Variants in FHOD3 observed in about 807,000 individuals in gnomAD.
The protein encoded by FHOD3 is FH1/FH2 domain-containing protein 3.
FHOD3 carries 90 observed loss-of-function variants against 173.0 expected under a neutral mutation model. That is an observed-to-expected ratio of 0.52 (90% CI 0.44 to 0.62). The LOEUF (loss-of-function observed/expected upper bound fraction) is 0.62. Ranked by LOEUF, FHOD3 falls within the 20% of genes least tolerant of loss-of-function variation. The pLI is 0.00. For synonymous variants in FHOD3, 828 were observed against 823.0 expected, an observed-to-expected ratio of 1.01 and a Z score of -0.10; for missense variants, 1,945 against 2,034.7, an observed-to-expected ratio of 0.96 and a Z score of 0.85.
chr18:36,369,440 AACACACACACACAC>A (rs59109469), intron 2 of FHOD3, among the ~76,000 whole-genome samples: 1,144 of 94,202 alleles, frequency 0.012, 18 homozygotes, highest in African/African-American at 0.04. Context: ...ATTTTATTTA[AACACACACACACAC>A]ACACACACAC....
At chr18:36,617,668 T>C (rs2033339332) in intron 9 of FHOD3, among the ~76,000 whole-genome samples, 1 of 151,796 alleles carries the variant, frequency 6.6e-6, no homozygotes, top group Non-Finnish European at 1.5e-5. Flanking sequence ...TGCATCAAAA[T>C]ATTTAGAAGT....
At chr18:36,738,731 A>G (rs980943904) in intron 20 of FHOD3, among the ~76,000 whole-genome samples, 1 of 152,214 alleles carries the variant, frequency 6.6e-6, no homozygotes, top group African/African-American at 2.4e-5. Flanking sequence ...CTTTTTCAAA[A>G]TCAATGGGCC....
intron 2 of FHOD3, among the ~76,000 whole-genome samples, chr18:36,370,281 T>G (rs2047116592): frequency 6.6e-6 from 1 of 152,156 alleles, no homozygotes; most frequent in African/African-American, 2.4e-5. Context: ...AGCTAGAATA[T>G]TGAAGCAGAG....
At chr18:36,558,042 G>A (rs1001630892) in intron 5 of FHOD3, among the ~76,000 whole-genome samples, 9 of 152,102 alleles carry the variant, frequency 5.9e-5, no homozygotes, top group Non-Finnish European at 1.2e-4. Context: ...ATGAATGCTG[G>A]GTACTTTTCT....
chr18:36,425,115 A>C (rs1473607727), intron 3 of FHOD3, among the ~76,000 whole-genome samples: 1 of 152,260 alleles, frequency 6.6e-6, no homozygotes, highest in East Asian at 1.9e-4. Context: ...GCTAAGATGT[A>C]CAGTACATAA....
intron 17 of FHOD3, 60 bp from the exon 18 acceptor site, chr18:36,709,035 C>T (rs1403620541): frequency 2.6e-6 from 4 of 1,564,630 alleles, no homozygotes; most frequent in Non-Finnish European, 1.7e-6. Flanking sequence ...TCATTCTCAC[C>T]TCACTTCACC....
chr18:36,528,399 G>A (rs1473694809), intron 5 of FHOD3, among the ~76,000 whole-genome samples: 1 of 152,168 alleles, frequency 6.6e-6, no homozygotes, highest in Non-Finnish European at 1.5e-5. Context: ...ATAGTTTGCT[G>A]GGAGCAGTGC....
chr18:36,687,344 A>G (rs1483396689), intron 16 of FHOD3, among the ~76,000 whole-genome samples, 166 bp downstream of exon 16: 2 of 152,192 alleles, frequency 1.3e-5, no homozygotes, highest in East Asian at 1.9e-4. Context: ...TTTTCCAATA[A>G]AAGTATGGAG....
intron 14 of FHOD3, among the ~76,000 whole-genome samples, chr18:36,659,232 C>T (rs2036618721): frequency 1.3e-5 from 2 of 152,186 alleles, no homozygotes; most frequent in African/African-American, 4.8e-5. Flanking sequence ...TGCCTAGTCA[C>T]ATGTCACTGT....
At chr18:36,552,203 G>T (rs1568417302) in intron 5 of FHOD3, among the ~76,000 whole-genome samples, 1 of 152,214 alleles carries the variant, frequency 6.6e-6, no homozygotes, top group East Asian at 1.9e-4. Flanking sequence ...TCTTTGAAGA[G>T]GTCCTTCACA....
chr18:36,447,012 C>T (rs2051526477), intron 3 of FHOD3, among the ~76,000 whole-genome samples: 1 of 152,270 alleles, frequency 6.6e-6, no homozygotes, highest in South Asian at 2.1e-4. Flanking sequence ...TGCCTAGGAC[C>T]TGCTGTGATC....
At chr18:36,657,159 T>C (rs1045099266) in intron 13 of FHOD3, among the ~76,000 whole-genome samples, 5 of 152,208 alleles carry the variant, frequency 3.3e-5, no homozygotes, top group Non-Finnish European at 7.3e-5. Flanking sequence ...ATAGTGACTG[T>C]TGGGGTCCCA....
chr18:36,766,811 A>G (rs2043158448), intron 27 of FHOD3, among the ~76,000 whole-genome samples: 1 of 152,258 alleles, frequency 6.6e-6, no homozygotes, highest in Non-Finnish European at 1.5e-5. Flanking sequence ...AGGGAAGATT[A>G]GATGATGCCT....
At chr18:36,571,610 T>G (rs941209485) in intron 5 of FHOD3, among the ~76,000 whole-genome samples, 7 of 152,230 alleles carry the variant, frequency 4.6e-5, no homozygotes, top group African/African-American at 1.7e-4. Context: ...TACTACCTGA[T>G]TTTAACATTT....
intron 5 of FHOD3, among the ~76,000 whole-genome samples, chr18:36,528,464 C>T (rs1297987709): frequency 6.6e-6 from 1 of 152,162 alleles, no homozygotes; most frequent in African/African-American, 2.4e-5. Flanking sequence ...TATGGCTCAC[C>T]TTCTTTTTCC....
intron 5 of FHOD3, among the ~76,000 whole-genome samples, chr18:36,540,592 C>G (rs1232215550): frequency 6.6e-6 from 1 of 152,186 alleles, no homozygotes. Flanking sequence ...CCAGGTTCTA[C>G]TTAACTCAAT....
chr18:36,706,576 G>A (rs576908447), intron 17 of FHOD3, among the ~76,000 whole-genome samples: 6 of 152,322 alleles, frequency 3.9e-5, no homozygotes, highest in African/African-American at 9.6e-5. Flanking sequence ...GGCCAGAGCC[G>A]CTGCTTGGGT....
chr18:36,707,641 C>T (rs903546444), intron 17 of FHOD3, among the ~76,000 whole-genome samples: 3 of 152,174 alleles, frequency 2.0e-5, no homozygotes, highest in African/African-American at 7.2e-5. Context: ...GGCCCCCTGC[C>T]TAGTGAGGCC....
At chr18:36,392,833 A>C (rs1440899139) in intron 3 of FHOD3, among the ~76,000 whole-genome samples, 2 of 152,230 alleles carry the variant, frequency 1.3e-5, no homozygotes, top group Non-Finnish European at 2.9e-5. Flanking sequence ...TTCATTATAA[A>C]TATAACTGCT....
Sources: allele counts gnomAD v4.1 joint callset (sites outside exome capture counted in the v4.1 genomes callset), GRCh38; gene constraint gnomAD v4.1.1; transcripts MANE v1.5; gene names NCBI Gene and HGNC (gene_info 2026-07-23, HGNC 2026-07-21).